KAT2B: variants seen among roughly 807,000 people sequenced by gnomAD.
KAT2B encodes the protein histone acetyltransferase KAT2B.
In KAT2B, 36 loss-of-function variants were observed where a neutral mutation model predicts 105.9. The observed-to-expected ratio is 0.34, with a 90% CI of 0.26 to 0.45. The LOEUF (loss-of-function observed/expected upper bound fraction) is 0.45, where lower values mean the gene tolerates loss of function less well. Ranked by LOEUF, KAT2B falls within the 20% of genes least tolerant of loss-of-function variation. The pLI is 1.00. For missense variants in KAT2B, 820 were observed against 1,021.6 expected, an observed-to-expected ratio of 0.80 and a Z score of 2.69; for synonymous variants, 397 against 377.9, an observed-to-expected ratio of 1.05 and a Z score of -0.59.
chr3:20,062,323 TTTA>T (rs1169802988), intron 1 of KAT2B, among the ~76,000 whole-genome samples: 4 of 97,484 alleles, frequency 4.1e-5, no homozygotes, highest in Non-Finnish European at 7.4e-5. Context: ...ATATAAAATA[TTTA>T]TTATGTATAA....
At position 20,148,428 on chromosome 3, in the gene KAT2B, T is replaced by G; in HGVS notation, c.2246T>G (p.Met749Arg). ...AGCCATCAAAGCGCTTGGCCCTTCA[T>G]GGAACCTGTGAAGAGAACAGAAGCT... ...VKSHQSAWPF[M>R]EPVKRTEAPG... is the part of the protein sequence containing the mutation. Residue 749 changes from methionine to arginine, a missense_variant, in exon 17 of 18, where the codon ATG becomes AGG. Physicochemically the swap from Met to Arg is moderately conservative, Grantham distance 91 (BLOSUM62 -1). Around this residue, in one of 6 missense-constraint regions of KAT2B, gnomAD observed 227 missense variants for 292.9 expected, o/e 0.77. Transcript: ENST00000263754. 6.2e-7 allele frequency: 1 copy of G among 1,611,528 alleles called. No individual in the cohort carries two copies. The highest frequency in any genetic ancestry group is 8.5e-7 in the Non-Finnish European group (1 of 1,179,294).
intron 13 of KAT2B, among the ~76,000 whole-genome samples, chr3:20,142,255 C>T (rs1363365056): frequency 1.3e-5 from 2 of 152,102 alleles, no homozygotes; most frequent in Non-Finnish European, 2.9e-5. Context: ...ATTCTTTTTT[C>T]TCCTCTCCTC....
chr3:20,103,266 A>G (rs928433160), intron 5 of KAT2B, among the ~76,000 whole-genome samples: 14 of 152,228 alleles, frequency 9.2e-5, no homozygotes, highest in Admixed American at 7.2e-4. Flanking sequence ...CCGTCTGTGA[A>G]CAATTGACAA....
chr3:20,045,981 G>C (rs558105897), intron 1 of KAT2B, among the ~76,000 whole-genome samples: 2 of 152,198 alleles, frequency 1.3e-5, no homozygotes, highest in African/African-American at 4.8e-5. Flanking sequence ...ATCCACCCCA[G>C]CTCTGCCACT....
chr3:20,104,002 A>T (rs1698955434), intron 5 of KAT2B, among the ~76,000 whole-genome samples: 1 of 106,440 alleles, frequency 9.4e-6, no homozygotes. Flanking sequence ...GAAGATGCTC[A>T]TCATCATTTT....
chr3:20,105,139 T>C (rs890784834), intron 5 of KAT2B, among the ~76,000 whole-genome samples: 1 of 152,104 alleles, frequency 6.6e-6, no homozygotes, highest in Non-Finnish European at 1.5e-5. Flanking sequence ...GCCTACCTCG[T>C]CCTCCTAAAG....
intron 1 of KAT2B, among the ~76,000 whole-genome samples, chr3:20,061,948 ATT>A (rs1242183500): frequency 3.4e-5 from 4 of 119,054 alleles, no homozygotes; most frequent in Admixed American, 1.1e-4. Flanking sequence ...CATAATATAT[ATT>A]ATATATAAAA....
At chr3:20,062,201 T>A (rs1384173547) in intron 1 of KAT2B, among the ~76,000 whole-genome samples, 6,274 of 47,204 alleles carry the variant, frequency 0.13, 654 homozygotes, top group Non-Finnish European at 0.16. Flanking sequence ...ATATATATAT[T>A]TTATATAAAA....
Position 20,108,328 on chromosome 3 carries a change from G to A in KAT2B, c.852-3268G>A, listed in dbSNP as rs1699059418. On this transcript the variant is annotated intron_variant, in intron 5 of 17. Transcript: ENST00000263754. ...AAGTGCTCAATAGTTACCAATGGCT[G>A]GTGGCTACTGTATTGGATAGCAGAG... Among the ~76,000 whole-genome samples the A allele has an allele frequency of 2.6e-5, 4 of 152,178 alleles. No individual in the cohort carries two copies. In the South Asian group the frequency reaches 8.3e-4, roughly 31 times the overall value.
intron 1 of KAT2B, 61 bp downstream of exon 1, chr3:20,040,841 CCT>C (rs761543745): frequency 4.7e-6 from 7 of 1,479,248 alleles, no homozygotes; most frequent in Non-Finnish European, 6.2e-6. Context: ...GCGGGACCCC[CCT>C]CCCCCTCCCG....
intron 8 of KAT2B, among the ~76,000 whole-genome samples, chr3:20,121,841 C>T (rs770487291): frequency 6.7e-6 from 1 of 148,608 alleles, no homozygotes; most frequent in South Asian, 2.1e-4. Context: ...ACAAGCCTGC[C>T]AAGATTGAAT....
intron 16 of KAT2B, 46 bp from the exon 17 acceptor site, chr3:20,148,357 A>C: frequency 6.2e-7 from 1 of 1,609,390 alleles, no homozygotes; most frequent in African/African-American, 1.3e-5. Context: ...ATGATTTCCC[A>C]CATGGAATTT....
intron 1 of KAT2B, among the ~76,000 whole-genome samples, chr3:20,067,835 TG>T: frequency 6.7e-6 from 1 of 149,176 alleles, no homozygotes; most frequent in East Asian, 2.0e-4. Context: ...CCACCACACC[TG>T]GCTAATTTTT....
At chr3:20,133,884 T>C (rs1699555022) in intron 11 of KAT2B, among the ~76,000 whole-genome samples, 1 of 152,208 alleles carries the variant, frequency 6.6e-6, no homozygotes, top group Non-Finnish European at 1.5e-5. Flanking sequence ...GTCGAACATA[T>C]CTCTTATATT....
At chr3:20,143,945 T>C (rs1006686325) in intron 13 of KAT2B, among the ~76,000 whole-genome samples, 1 of 152,180 alleles carries the variant, frequency 6.6e-6, no homozygotes, top group Non-Finnish European at 1.5e-5. Context: ...TGCTCACTAC[T>C]TGGGCAGTGA....
At chr3:20,128,961 C>G (rs1352982444) in intron 11 of KAT2B, among the ~76,000 whole-genome samples, 1 of 135,210 alleles carries the variant, frequency 7.4e-6, no homozygotes, top group African/African-American at 2.8e-5. Context: ...GAGCCAAGAT[C>G]ACAGCACTGC....
chr3:20,076,112 A>T lies in KAT2B; in HGVS notation c.430+3653A>T, dbSNP rs914096809. On this transcript the variant is annotated intron_variant, in intron 2 of 17. Transcript: ENST00000263754. ...TAGCATAAACTCAGGTATGATCGAA[A>T]GGGGCTCATGATGAACAATAAAAGA... 3.3e-5 allele frequency among the ~76,000 whole-genome samples: 5 copies of T among 152,038 alleles called. 1 individual carries two copies. The highest frequency in any genetic ancestry group is 1.2e-4 in the African/African-American group (5 of 41,384).
intron 5 of KAT2B, among the ~76,000 whole-genome samples, chr3:20,102,904 T>C (rs1698934362): frequency 2.0e-5 from 3 of 152,214 alleles, no homozygotes; most frequent in African/African-American, 7.2e-5. Context: ...CCCAGGTTAT[T>C]TTCTGTAACA....
chr3:20,072,449 C>T lies in KAT2B; in HGVS notation c.420C>T (p.Ser140=). 6.2e-7 allele frequency: 1 copy of T among 1,613,696 alleles called. No homozygotes were observed. The highest frequency in any genetic ancestry group is 1.1e-5 in the South Asian group (1 of 91,068). ...TAACAGAATCCTGTCGGAGTTGTAG[C>T]CATGCCCTAGGTGAGTTCCTAAATC... ...VSLTESCRSC[S]HALAAHVSHL... The change falls in exon 2 of 18, where the codon AGC becomes AGT. Residue 140 remains serine, a synonymous_variant. Transcript: ENST00000263754.
Sources: gnomAD v4.1 joint callset for allele counts (sites outside exome capture counted in the v4.1 genomes callset) on GRCh38, gnomAD v4.1.1 for gene constraint, gnomAD v4.1.1 regional missense constraint, MANE v1.5 for transcripts, NCBI Gene and HGNC (gene_info 2026-07-23, HGNC 2026-07-21) for gene names.